MAF: variants seen among roughly 807,000 people sequenced by gnomAD.
The protein encoded by MAF is transcription factor Maf.
MAF carries 10 observed loss-of-function variants against 22.0 expected under a neutral mutation model. The observed-to-expected ratio is 0.45, with a 90% CI of 0.28 to 0.77. MAF has a LOEUF of 0.77. MAF is among the 30% of genes least tolerant of loss of function. MAF has a pLI of 0.12. For synonymous variants in MAF, 337 were observed against 255.8 expected (o/e 1.32, Z -3.03); for missense variants, 544 against 548.4 (o/e 0.99, Z 0.08).
the MAF span, among the ~76,000 whole-genome samples, chr16:79,556,908 T>C: frequency 3.9e-5 from 6 of 151,962 alleles, no homozygotes; most frequent in Admixed American, 6.6e-5. Context: ...ATGTGATCAA[T>C]AAGTACCAGC....
At chr16:79,598,159 A>G in intron 1 of MAF, 1 of 1,051,106 alleles carries the variant, frequency 9.5e-7, no homozygotes, top group Non-Finnish European at 1.1e-6. Context: ...AGAAAAAAAA[A>G]CTTTGCTTTT....
At chr16:79,436,736 T>G in the MAF span, among the ~76,000 whole-genome samples, 72,456 of 152,050 alleles carry the variant, frequency 0.48, 19,485 homozygotes, top group Non-Finnish European at 0.6. Context: ...TTTGTCGGTT[T>G]CACTGGTCAT....
chr16:79,373,637 C>A, the MAF span, among the ~76,000 whole-genome samples: 1 of 152,154 alleles, frequency 6.6e-6, no homozygotes, highest in African/African-American at 2.4e-5. Context: ...CTCAGCCTCC[C>A]AAAGTGCTGG....
the MAF span, among the ~76,000 whole-genome samples, chr16:79,359,496 C>T: frequency 6.6e-6 from 1 of 152,172 alleles, no homozygotes; most frequent in Non-Finnish European, 1.5e-5. Context: ...CCACATCAAG[C>T]TAATGCTTAA....
chr16:79,406,600 C>G, the MAF span, among the ~76,000 whole-genome samples: 66 of 152,260 alleles, frequency 4.3e-4, no homozygotes, highest in African/African-American at 1.5e-3. Flanking sequence ...ATGATCTGAT[C>G]ACCTCCCATA....
chr16:79,227,688 G>T, the MAF span, among the ~76,000 whole-genome samples: 1 of 151,448 alleles, frequency 6.6e-6, no homozygotes, highest in Admixed American at 6.6e-5. Context: ...CTGAAGTATT[G>T]ATTTTTTTTT....
intron 1 of MAF, among the ~76,000 whole-genome samples, chr16:79,588,779 G>A (rs1913015449): frequency 6.6e-6 from 1 of 151,924 alleles, no homozygotes; most frequent in South Asian, 2.1e-4. Flanking sequence ...TCTTTTAATA[G>A]CTTGCCCCCT....
At chr16:79,490,343 A>G in the MAF span, among the ~76,000 whole-genome samples, 6 of 152,226 alleles carry the variant, frequency 3.9e-5, no homozygotes, top group Admixed American at 1.3e-4. Context: ...AGATCCATCA[A>G]AACTTTCTAT....
chr16:79,589,940 C>A (rs1281973352), downstream of MAF, among the ~76,000 whole-genome samples: 1 of 152,140 alleles, frequency 6.6e-6, no homozygotes, highest in African/African-American at 2.4e-5. Flanking sequence ...CTGGGCACTG[C>A]CGCGGGTCTG....
At chr16:79,377,471 G>T in the MAF span, among the ~76,000 whole-genome samples, 1 of 152,180 alleles carries the variant, frequency 6.6e-6, no homozygotes, top group Non-Finnish European at 1.5e-5. Flanking sequence ...CTCCCATTCT[G>T]TAGGTTGCCT....
chr16:79,382,636 T>C, the MAF span, among the ~76,000 whole-genome samples: 4 of 152,242 alleles, frequency 2.6e-5, no homozygotes, highest in African/African-American at 4.8e-5. Context: ...TTTTTTAAAA[T>C]TGGAATTATC....
the MAF span, among the ~76,000 whole-genome samples, chr16:79,219,894 T>A: frequency 6.6e-6 from 1 of 152,334 alleles, no homozygotes; most frequent in African/African-American, 2.4e-5. Flanking sequence ...ATTTGTGATA[T>A]TGGTTATATA....
At chr16:79,459,104 C>A in the MAF span, among the ~76,000 whole-genome samples, 1 of 152,300 alleles carries the variant, frequency 6.6e-6, no homozygotes, top group Admixed American at 6.5e-5. Context: ...GTAAGGTAGG[C>A]ACCATTCTTC....
the MAF span, among the ~76,000 whole-genome samples, chr16:79,495,230 G>A: frequency 1.3e-5 from 2 of 152,128 alleles, no homozygotes; most frequent in African/African-American, 4.8e-5. Context: ...GGGAGGCCAA[G>A]GTGAGAGGAT....
At chr16:79,342,725 A>G in the MAF span, among the ~76,000 whole-genome samples, 1 of 152,194 alleles carries the variant, frequency 6.6e-6, no homozygotes, top group African/African-American at 2.4e-5. Flanking sequence ...ACATCTTACT[A>G]TTGACGCCTA....
the MAF span, among the ~76,000 whole-genome samples, chr16:79,218,717 G>A: frequency 6.6e-6 from 1 of 152,090 alleles, no homozygotes; most frequent in Non-Finnish European, 1.5e-5. Context: ...TTTTCCCACA[G>A]GACAGAGTTC....
At chr16:79,276,817 A>G in the MAF span, among the ~76,000 whole-genome samples, 4 of 152,278 alleles carry the variant, frequency 2.6e-5, no homozygotes, top group African/African-American at 9.6e-5. Context: ...TTCTCCCCAC[A>G]GTTCTGGAGG....
chr16:79,234,340 A>T, the MAF span, among the ~76,000 whole-genome samples: 1 of 152,106 alleles, frequency 6.6e-6, no homozygotes, highest in Admixed American at 6.6e-5. Context: ...ATTAAAAAGC[A>T]ATAGCTTGAT....
At chr16:79,466,121 T>C in the MAF span, among the ~76,000 whole-genome samples, 1 of 152,166 alleles carries the variant, frequency 6.6e-6, no homozygotes, top group African/African-American at 2.4e-5. Context: ...TCCAGACAAG[T>C]CCAGCCTTAC....
Sources: gnomAD v4.1 joint callset for allele counts (sites outside exome capture counted in the v4.1 genomes callset) on GRCh38, gnomAD v4.1.1 for gene constraint, MANE v1.5 for transcripts, NCBI Gene and HGNC (gene_info 2026-07-23, HGNC 2026-07-21) for gene names.